CPA6: variants seen among roughly 807,000 people sequenced by gnomAD.
CPA6 encodes the protein carboxypeptidase B.
A neutral mutation model predicts 63.3 loss-of-function variants in CPA6; 58 were observed. That is an observed-to-expected ratio of 0.92 (90% CI 0.74 to 1.14). The LOEUF (loss-of-function observed/expected upper bound fraction) is 1.14. CPA6 is among the 50% of genes most tolerant of loss of function. The pLI is 0.00. For missense variants in CPA6, 565 were observed against 526.6 expected, an observed-to-expected ratio of 1.07 and a Z score of -0.71; for synonymous variants, 185 against 179.0, an observed-to-expected ratio of 1.03 and a Z score of -0.27.
At chr8:67,643,889 C>T (rs582424) in intron 1 of CPA6, among the ~76,000 whole-genome samples, 2 of 151,894 alleles carry the variant, frequency 1.3e-5, no homozygotes, top group Admixed American at 6.5e-5. Flanking sequence ...TCTGAGGTAG[C>T]GATGTCTATA....
chr8:67,450,230 G>A (rs950722674), intron 8 of CPA6, among the ~76,000 whole-genome samples: 1 of 152,160 alleles, frequency 6.6e-6, no homozygotes, highest in Non-Finnish European at 1.5e-5. Context: ...AGTGTTTTGA[G>A]AGTTACAAAA....
At chr8:67,502,284 G>A (rs907311550) in intron 6 of CPA6, among the ~76,000 whole-genome samples, 8 of 152,016 alleles carry the variant, frequency 5.3e-5, no homozygotes, top group South Asian at 2.1e-4. Context: ...ACAGGGAGAC[G>A]CTGCCTCTAC....
In CPA6 at chr8:67,626,326, T is replaced by C. The variant is rs1322569933; in HGVS notation, c.117-2075A>G. On this transcript the variant is annotated intron_variant, in intron 1 of 10. Transcript: ENST00000297770. ...CTGGGCAATGATTTTTTAGGGCTTT[T>C]GTGTTTATTTCCAATCATGATAGTT... Among the ~76,000 whole-genome samples the C allele has an allele frequency of 3.9e-5, 6 of 152,308 alleles. No individual in the cohort carries two copies. The East Asian group carries it at 1.2e-3, about 29-fold the overall frequency.
intron 2 of CPA6, among the ~76,000 whole-genome samples, chr8:67,592,536 A>G (rs867245282): frequency 0.022 from 3,360 of 151,590 alleles, 60 homozygotes; most frequent in African/African-American, 0.05. Flanking sequence ...TTTGGTTGGT[A>G]AGCTATTGAT....
intron 1 of CPA6, among the ~76,000 whole-genome samples, chr8:67,693,788 GT>G (rs1014077051): frequency 3.2e-4 from 48 of 152,202 alleles, no homozygotes; most frequent in Admixed American, 1.4e-3. Flanking sequence ...TTTAAAGATA[GT>G]TTGTTATAGC....
chr8:67,439,974 G>A (rs1017848844), intron 8 of CPA6, among the ~76,000 whole-genome samples: 19 of 152,152 alleles, frequency 1.2e-4, no homozygotes, highest in Non-Finnish European at 2.5e-4. Flanking sequence ...AAAAAGTGTG[G>A]TGTAAGTAGA....
intron 8 of CPA6, among the ~76,000 whole-genome samples, chr8:67,459,755 T>C (rs994678931): frequency 2.6e-5 from 4 of 152,236 alleles, no homozygotes; most frequent in African/African-American, 9.6e-5. Flanking sequence ...TTTACATATG[T>C]TCCAACATTT....
At chr8:67,465,311 G>A (rs1810900785) in intron 8 of CPA6, among the ~76,000 whole-genome samples, 1 of 150,866 alleles carries the variant, frequency 6.6e-6, no homozygotes, top group African/African-American at 2.4e-5. Flanking sequence ...AATGTTATTG[G>A]TGTATAGAAA....
In CPA6 at chr8:67,521,017, C is replaced by T. The variant is rs1018999788; in HGVS notation, c.193-2970G>A. Among the ~76,000 whole-genome samples, 12 of 152,198 alleles carry T rather than the reference C, an allele frequency of 7.9e-5. No individual in the cohort carries two copies. The East Asian group carries it at 2.1e-3, about 27-fold the overall frequency. Reference sequence around the variant, plus strand: ...TTCCTATCAATAGTTTCCTTAGGGCCTGATCACATCTGGATGAGATAATTA... The same window carrying T: ...TTCCTATCAATAGTTTCCTTAGGGCTTGATCACATCTGGATGAGATAATTA... On this transcript the variant is annotated intron_variant, in intron 2 of 10. Transcript: ENST00000297770.
chr8:67,552,601 G>A (rs558801938), intron 2 of CPA6, among the ~76,000 whole-genome samples: 62 of 151,610 alleles, frequency 4.1e-4, no homozygotes, highest in African/African-American at 7.2e-4. Context: ...GTGAAACCCC[G>A]CCTCTACTAA....
intron 1 of CPA6, among the ~76,000 whole-genome samples, chr8:67,651,369 A>G (rs188686264): frequency 6.6e-6 from 1 of 152,298 alleles, no homozygotes; most frequent in African/African-American, 2.4e-5. Flanking sequence ...GCAGCATGGA[A>G]TTGCCTAATG....
chr8:67,542,028 C>A (rs1317617810), intron 2 of CPA6, among the ~76,000 whole-genome samples: 1 of 152,210 alleles, frequency 6.6e-6, no homozygotes, highest in Non-Finnish European at 1.5e-5. Context: ...GGCAAGAAAC[C>A]AGTATAATAT....
At chr8:67,732,210 G>A (rs1047102211) in intron 1 of CPA6, among the ~76,000 whole-genome samples, 2 of 152,168 alleles carry the variant, frequency 1.3e-5, no homozygotes, top group South Asian at 2.1e-4. Flanking sequence ...TGGGAATATC[G>A]CCCTTAAGCA....
chr8:67,565,011 A>T (rs933263734), intron 2 of CPA6, among the ~76,000 whole-genome samples: 1 of 152,222 alleles, frequency 6.6e-6, no homozygotes, highest in Admixed American at 6.5e-5. Context: ...TTTAGTATGT[A>T]ACATGTGGTC....
chr8:67,666,828 T>C (rs1266562505), intron 1 of CPA6, among the ~76,000 whole-genome samples: 3 of 152,124 alleles, frequency 2.0e-5, no homozygotes, highest in African/African-American at 4.8e-5. Flanking sequence ...TTGACAAGAA[T>C]GGTTGACACT....
Position 67,667,191 on chromosome 8 carries a change from C to A in CPA6, c.117-42940G>T, listed in dbSNP as rs1816249715. Reference sequence around the variant, plus strand: ...CTTTGATGACCTTTGAGAAAGAAATCATTGGTTCAGCATGTCAAGAAAAGG... The same window carrying A: ...CTTTGATGACCTTTGAGAAAGAAATAATTGGTTCAGCATGTCAAGAAAAGG... On this transcript the variant is annotated intron_variant, in intron 1 of 10. Coordinates refer to ENST00000297770, the MANE Select transcript of CPA6 (RefSeq NM_020361.5). 2.0e-5 allele frequency among the ~76,000 whole-genome samples: 3 copies of A among 152,182 alleles called. No homozygotes were observed. The South Asian group carries it at 6.2e-4, about 31-fold the overall frequency.
intron 1 of CPA6, among the ~76,000 whole-genome samples, chr8:67,700,299 T>C (rs1263200122): frequency 6.6e-6 from 1 of 152,226 alleles, no homozygotes; most frequent in Non-Finnish European, 1.5e-5. Context: ...GTTTTATACA[T>C]ACTAAGGAGT....
chr8:67,639,483 G>T (rs1268672705), intron 1 of CPA6, among the ~76,000 whole-genome samples: 1 of 151,656 alleles, frequency 6.6e-6, no homozygotes, highest in Non-Finnish European at 1.5e-5. Context: ...GCAGATGCTG[G>T]TATGGGCACC....
chr8:67,460,822 C>G (rs1001144982), intron 8 of CPA6, among the ~76,000 whole-genome samples: 2 of 152,048 alleles, frequency 1.3e-5, no homozygotes. Context: ...CAGTGTAAAA[C>G]TGTTCACTTT....
Sources: allele counts gnomAD v4.1 joint callset (sites outside exome capture counted in the v4.1 genomes callset), GRCh38; gene constraint gnomAD v4.1.1; transcripts MANE v1.5; gene names NCBI Gene and HGNC (gene_info 2026-07-23, HGNC 2026-07-21).